GPC6: variants seen among roughly 807,000 people sequenced by gnomAD.
The protein encoded by GPC6 is glypican-6.
In GPC6, 14 loss-of-function variants were observed where a neutral mutation model predicts 55.2. That is an observed-to-expected ratio of 0.25 (90% confidence interval 0.17 to 0.40). The LOEUF is 0.40. Ranked by LOEUF, GPC6 falls within the 10% of genes least tolerant of loss-of-function variation. The pLI is 1.00. For synonymous variants in GPC6, 278 were observed against 259.6 expected (o/e 1.07, Z -0.68); for missense variants, 641 against 708.5 (o/e 0.90, Z 1.08).
chr13:93,775,410 C>A (rs1360571108), intron 2 of GPC6, among the ~76,000 whole-genome samples: 1 of 152,164 alleles, frequency 6.6e-6, no homozygotes, highest in Non-Finnish European at 1.5e-5. Flanking sequence ...GGTTTCGTAT[C>A]TGAGATTTGA....
intron 1 of GPC6, among the ~76,000 whole-genome samples, chr13:93,510,895 A>G (rs1880931422): frequency 6.9e-6 from 1 of 145,124 alleles, no homozygotes; most frequent in South Asian, 2.2e-4. Flanking sequence ...ATCATAAGTG[A>G]TGTTGAGCAG....
intron 1 of GPC6, among the ~76,000 whole-genome samples, chr13:93,359,314 C>T (rs1880965333): frequency 6.6e-6 from 1 of 152,042 alleles, no homozygotes; most frequent in Non-Finnish European, 1.5e-5. Context: ...ATTGATTTTT[C>T]TTATGTCATC....
chr13:93,341,261 C>G (rs978982178), intron 1 of GPC6, among the ~76,000 whole-genome samples: 1 of 152,120 alleles, frequency 6.6e-6, no homozygotes. Context: ...TGGGTAGCTA[C>G]CCAGTAGTGG....
chr13:93,320,836 C>T (rs1045809711), intron 1 of GPC6, among the ~76,000 whole-genome samples: 19 of 152,100 alleles, frequency 1.2e-4, no homozygotes, highest in Admixed American at 3.3e-4. Context: ...TTCAACAAAT[C>T]TTCATGGCGG....
chr13:93,241,087 C>T (rs1261868410), intron 1 of GPC6, among the ~76,000 whole-genome samples: 2 of 152,108 alleles, frequency 1.3e-5, no homozygotes, highest in Non-Finnish European at 2.9e-5. Context: ...TTCATGTTGA[C>T]TTTAGATAAC....
At chr13:94,116,775 T>G (rs1254519562) in intron 4 of GPC6, among the ~76,000 whole-genome samples, 1 of 152,074 alleles carries the variant, frequency 6.6e-6, no homozygotes, top group Non-Finnish European at 1.5e-5. Flanking sequence ...GACACTGCCT[T>G]CAAGGATATT....
At chr13:94,193,350 T>G (rs940933488) in intron 4 of GPC6, among the ~76,000 whole-genome samples, 4 of 152,136 alleles carry the variant, frequency 2.6e-5, no homozygotes, top group Non-Finnish European at 5.9e-5. Context: ...AGTATTTCCT[T>G]TGCAAGCTGG....
intron 6 of GPC6, among the ~76,000 whole-genome samples, chr13:94,322,631 A>G (rs1474160924): frequency 6.6e-6 from 1 of 152,190 alleles, no homozygotes; most frequent in African/African-American, 2.4e-5. Flanking sequence ...TAGATTTTTA[A>G]TTTAATAAAA....
chr13:93,709,365 T>G (rs901956341), intron 2 of GPC6, among the ~76,000 whole-genome samples: 3 of 151,794 alleles, frequency 2.0e-5, no homozygotes, highest in Non-Finnish European at 4.4e-5. Context: ...GTATAGAGAT[T>G]GAGAACATCT....
intron 5 of GPC6, among the ~76,000 whole-genome samples, chr13:94,288,389 TACA>T (rs1309764800): frequency 1.3e-5 from 2 of 152,074 alleles, no homozygotes; most frequent in African/African-American, 2.4e-5. Context: ...AAAGTATTTC[TACA>T]ACATCAATAC....
At chr13:93,414,444 A>T (rs767290486) in intron 1 of GPC6, among the ~76,000 whole-genome samples, 3 of 152,164 alleles carry the variant, frequency 2.0e-5, no homozygotes, top group Non-Finnish European at 4.4e-5. Context: ...GGACTGCAAA[A>T]TTGCACAAAT....
At chr13:94,342,743 TG>T (rs1878104793) in intron 6 of GPC6, among the ~76,000 whole-genome samples, 1 of 152,178 alleles carries the variant, frequency 6.6e-6, no homozygotes, top group African/African-American at 2.4e-5. Context: ...TGGCCCTCAG[TG>T]TTGGGAACTT....
chr13:94,051,487 A>G (rs1316431535), intron 4 of GPC6, among the ~76,000 whole-genome samples: 1 of 152,104 alleles, frequency 6.6e-6, no homozygotes, highest in Non-Finnish European at 1.5e-5. Context: ...TCTGGCAATT[A>G]CTCAGCTTGG....
intron 1 of GPC6, among the ~76,000 whole-genome samples, chr13:93,338,242 G>C (rs1880113114): frequency 1.3e-5 from 2 of 152,112 alleles, no homozygotes; most frequent in Non-Finnish European, 2.9e-5. Context: ...TGATGACTGA[G>C]TGGATCTAAA....
chr13:93,311,303 C>T (rs527355720), intron 1 of GPC6, among the ~76,000 whole-genome samples: 62 of 152,268 alleles, frequency 4.1e-4, no homozygotes, highest in African/African-American at 1.4e-3. Context: ...TGGGAGCACA[C>T]AGAAGAAACT....
intron 1 of GPC6, among the ~76,000 whole-genome samples, chr13:93,433,344 A>T (rs7326501): frequency 6.6e-6 from 1 of 152,148 alleles, no homozygotes; most frequent in African/African-American, 2.4e-5. Context: ...TGCTTTTGCC[A>T]CTGTGAGACC....
chr13:93,874,621 C>T (rs767896579), intron 3 of GPC6, among the ~76,000 whole-genome samples: 1 of 149,902 alleles, frequency 6.7e-6, no homozygotes, highest in Non-Finnish European at 1.5e-5. Context: ...GGAGCCCTAC[C>T]GTAACTCTAT....
chr13:93,460,950 T>C (rs1031904151), intron 1 of GPC6, among the ~76,000 whole-genome samples: 1 of 152,172 alleles, frequency 6.6e-6, no homozygotes, highest in Admixed American at 6.5e-5. Flanking sequence ...TGATTGAAAT[T>C]AGTTGTATAG....
intron 1 of GPC6, among the ~76,000 whole-genome samples, chr13:93,382,546 T>A (rs1875224761): frequency 6.6e-6 from 1 of 152,178 alleles, no homozygotes; most frequent in Admixed American, 6.5e-5. Context: ...CATTGGCAAT[T>A]ATGTTGTTAT....
Sources: allele counts gnomAD v4.1 joint callset (sites outside exome capture counted in the v4.1 genomes callset), GRCh38; gene constraint gnomAD v4.1.1; transcripts MANE v1.5; gene names NCBI Gene and HGNC (gene_info 2026-07-23, HGNC 2026-07-21).